The following FOLH1 variants were observed in gnomAD, a reference collection of about 807,000 sequenced individuals.
The protein encoded by FOLH1 is folate hydrolase 1, also known as glutamate carboxypeptidase 2.
In FOLH1, 54 loss-of-function variants were observed where a neutral mutation model predicts 93.9. That is an observed-to-expected ratio of 0.57 (90% CI 0.46 to 0.72). The LOEUF (loss-of-function observed/expected upper bound fraction) is 0.72. FOLH1 is among the 30% of genes least tolerant of loss of function. FOLH1 has a pLI of 0.00. For missense variants in FOLH1, 571 were observed against 892.5 expected, an observed-to-expected ratio of 0.64 and a Z score of 4.59; for synonymous variants, 249 against 303.6, an observed-to-expected ratio of 0.82 and a Z score of 1.87.
chr11:49,158,938 G>T (rs904183408), intron 13 of FOLH1, among the ~76,000 whole-genome samples: 2 of 152,074 alleles, frequency 1.3e-5, no homozygotes, highest in Admixed American at 6.6e-5. Context: ...TGGCTTGTCT[G>T]TTGTTAGTGT....
chr11:49,200,159 A>T (rs1863112160), intron 3 of FOLH1, 96 bp downstream of exon 3: 1 of 1,123,934 alleles, frequency 8.9e-7, no homozygotes, highest in Non-Finnish European at 1.2e-6. Context: ...ATTTCTATTA[A>T]TATTTAGAGA....
intron 2 of FOLH1, 124 bp downstream of exon 2, chr11:49,205,943 A>G: frequency 9.6e-7 from 1 of 1,040,664 alleles, no homozygotes; most frequent in Non-Finnish European, 1.3e-6. Flanking sequence ...AATGTGATCC[A>G]AGATCTTTAA....
chr11:49,160,487 G>A (rs1857569570), intron 13 of FOLH1, among the ~76,000 whole-genome samples: 1 of 151,588 alleles, frequency 6.6e-6, no homozygotes, highest in African/African-American at 2.4e-5. Context: ...CTGTTGTCCA[G>A]GCTGGAGTGC....
chr11:49,171,905 G>A (rs1352009380), intron 10 of FOLH1, among the ~76,000 whole-genome samples: 2 of 152,054 alleles, frequency 1.3e-5, no homozygotes, highest in Admixed American at 1.3e-4. Context: ...GTGACTGAGG[G>A]AAAGTTATTC....
chr11:49,202,452 A>C (rs1430949045), intron 2 of FOLH1, among the ~76,000 whole-genome samples: 1 of 151,836 alleles, frequency 6.6e-6, no homozygotes, highest in East Asian at 1.9e-4. Flanking sequence ...GCCAGGCTGG[A>C]ATACAGTGGT....
intron 6 of FOLH1, among the ~76,000 whole-genome samples, chr11:49,184,976 A>G (rs1861200940): frequency 6.6e-6 from 1 of 152,150 alleles, no homozygotes. Flanking sequence ...TTCTAGTCTC[A>G]CTTTCCTCCC....
chr11:49,193,056 G>A (rs1590657214), intron 3 of FOLH1, among the ~76,000 whole-genome samples, 162 bp from the exon 4 acceptor site: 1 of 152,258 alleles, frequency 6.6e-6, no homozygotes, highest in Non-Finnish European at 1.5e-5. Flanking sequence ...GCTAGAAGTT[G>A]TGAAGAATTC....
chr11:49,150,354 T>C (rs1326252319), intron 17 of FOLH1, among the ~76,000 whole-genome samples: 1 of 152,152 alleles, frequency 6.6e-6, no homozygotes, highest in Non-Finnish European at 1.5e-5. Context: ...ACAGAAACAG[T>C]TGTATGTGCA....
chr11:49,159,101 T>C (rs909818511), intron 13 of FOLH1, among the ~76,000 whole-genome samples: 13 of 152,316 alleles, frequency 8.5e-5, no homozygotes, highest in Non-Finnish European at 1.3e-4. Flanking sequence ...CCTCCTCTCT[T>C]TTTATTTGAA....
In FOLH1 at chr11:49,174,879, A is replaced by G. The variant is rs1859812685; in HGVS notation, c.1105+13T>C. ...TACTTGATCAATATTTGCTAAGCAA[A>G]CGATTCCTTTACCTGGTTCCACTGC... On this transcript the variant is annotated intron_variant, in intron 9 of 18. Transcript: ENST00000256999. 2 of 1,594,710 alleles carry G rather than the reference A, an allele frequency of 1.3e-6. No homozygotes were observed. Among genetic ancestry groups the G allele is most frequent in the East Asian group, 4.5e-5 (2 of 44,750 alleles).
chr11:49,162,064 T>C (rs1405115818), intron 13 of FOLH1, among the ~76,000 whole-genome samples: 1 of 152,178 alleles, frequency 6.6e-6, no homozygotes, highest in Non-Finnish European at 1.5e-5. Context: ...ACATTTTTTC[T>C]CTCATTTTGT....
rs776584552 is a variant in FOLH1, at chr11:49,208,459, T to C, written c.-50A>G. The C allele has an allele frequency of 7.6e-7, 1 of 1,322,900 alleles. No individual in the cohort carries two copies. The highest frequency in any genetic ancestry group is 2.4e-5 in the East Asian group (1 of 41,704). The allele number at this position is 1,322,900 out of a possible 1,614,324, so 81.9% of individuals were successfully genotyped here. A position where few individuals can be genotyped will look rare whatever the true frequency, so the allele number is the denominator to read the frequency against. The stretch of plus-strand genomic sequence containing the variant: ...CCGGGACCCGCGCCTGTGCTGCTGC[T>C]CTACTGCGCGCCCTCCAACCACCAC... On this transcript the variant is annotated 5_prime_UTR_variant, in exon 1 of 19. Transcript: ENST00000256999.
chr11:49,155,837 A>AG (rs1856970925), intron 15 of FOLH1, among the ~76,000 whole-genome samples: 1 of 41,288 alleles, frequency 2.4e-5, no homozygotes, highest in Non-Finnish European at 6.9e-5. Flanking sequence ...TATATATATA[A>AG]TCAACAACAA....
intron 2 of FOLH1, 77 bp downstream of exon 2, chr11:49,205,990 T>C (rs1340750390): frequency 7.3e-7 from 1 of 1,377,374 alleles, no homozygotes; most frequent in Non-Finnish European, 9.8e-7. Context: ...AGTTCCTATA[T>C]ATAAAATATT....
At chr11:49,195,667 A>T (rs1371879387) in intron 3 of FOLH1, among the ~76,000 whole-genome samples, 1 of 146,390 alleles carries the variant, frequency 6.8e-6, no homozygotes, top group Non-Finnish European at 1.5e-5. Flanking sequence ...CCCTCTCAAG[A>T]GCAATAAGAA....
intron 2 of FOLH1, among the ~76,000 whole-genome samples, chr11:49,201,795 G>A (rs972110642): frequency 3.9e-5 from 6 of 152,194 alleles, no homozygotes; most frequent in Admixed American, 2.0e-4. Flanking sequence ...ATATCCTGAA[G>A]TGCCAGCTAT....
At chr11:49,149,710 T>C (rs1305898119) in intron 17 of FOLH1, among the ~76,000 whole-genome samples, 2 of 152,196 alleles carry the variant, frequency 1.3e-5, no homozygotes, top group Non-Finnish European at 2.9e-5. Flanking sequence ...AAAAGAAAGA[T>C]GCTTGTTGAG....
chr11:49,155,304 T>A (rs1230685599), intron 15 of FOLH1, among the ~76,000 whole-genome samples: 1 of 152,078 alleles, frequency 6.6e-6, no homozygotes, highest in Non-Finnish European at 1.5e-5. Flanking sequence ...TAGACAATAT[T>A]AATATTTATC....
intron 13 of FOLH1, among the ~76,000 whole-genome samples, chr11:49,162,572 T>G (rs1857829616): frequency 1.3e-5 from 2 of 152,198 alleles, no homozygotes; most frequent in South Asian, 4.1e-4. Context: ...CCTATCCATA[T>G]TATGAATTCT....
Sources: allele counts gnomAD v4.1 joint callset (sites outside exome capture counted in the v4.1 genomes callset), GRCh38; gene constraint gnomAD v4.1.1; transcripts MANE v1.5; gene names NCBI Gene and HGNC (gene_info 2026-07-23, HGNC 2026-07-21).